KCNK2: variants seen among roughly 807,000 people sequenced by gnomAD.
The protein encoded by KCNK2 is potassium channel subfamily K member 2.
In KCNK2, 21 loss-of-function variants were observed where a neutral mutation model predicts 40.5. That is an observed-to-expected ratio of 0.52 (90% CI 0.37 to 0.75). The LOEUF (loss-of-function observed/expected upper bound fraction) is 0.75, where lower values mean the gene tolerates loss of function less well. Ranked by LOEUF, KCNK2 falls within the 30% of genes least tolerant of loss-of-function variation. KCNK2 has a pLI of 0.00. For synonymous variants in KCNK2, 191 were observed against 202.2 expected (o/e 0.94, Z 0.47); for missense variants, 399 against 531.6 (o/e 0.75, Z 2.45).
At chr1:215,090,680 A>G (rs1659655520) in intron 2 of KCNK2, among the ~76,000 whole-genome samples, 1 of 152,208 alleles carries the variant, frequency 6.6e-6, no homozygotes, top group Non-Finnish European at 1.5e-5. Flanking sequence ...AGTGAAATCT[A>G]TGATCTATAT....
chr1:215,027,018 G>A (rs996609871), intron 1 of KCNK2, among the ~76,000 whole-genome samples: 1 of 151,892 alleles, frequency 6.6e-6, no homozygotes, highest in Admixed American at 6.6e-5. Context: ...TCATTTTCAA[G>A]GCATTTTTTT....
chr1:215,156,352 A>G (rs370300836), intron 3 of KCNK2, among the ~76,000 whole-genome samples: 1 of 152,176 alleles, frequency 6.6e-6, no homozygotes. Flanking sequence ...ATAGCTGTCC[A>G]TGAAGGCCTT....
rs1553274203 is a variant in KCNK2 at position 215,209,476 on chromosome 1, T to TATATTA, written c.963+14384_963+14385insATATTA. On this transcript the variant is annotated intron_variant, in intron 6 of 6. Coordinates refer to ENST00000444842, the MANE Select transcript of KCNK2 (RefSeq NM_001017425.3). Reference sequence around the variant, plus strand: ...TATTATATATTATATATAATATATATTATATATAATACATATATATAATAT... The same window carrying TATATTA: ...TATTATATATTATATATAATATATATATATTATATATATAATACATATATATAATAT... Among the ~76,000 whole-genome samples the TATATTA allele has an allele frequency of 3.9e-4, 17 of 43,214 alleles. 1 individual carries two copies. The highest frequency in any genetic ancestry group is 1.4e-3 in the Admixed American group (4 of 2,800). The allele number at this position is 43,214 out of a possible 152,430, so 28.4% of individuals were successfully genotyped here.
intron 5 of KCNK2, among the ~76,000 whole-genome samples, chr1:215,184,655 A>G (rs547624120): frequency 6.6e-6 from 1 of 152,314 alleles, no homozygotes; most frequent in African/African-American, 2.4e-5. Flanking sequence ...TAAAACCACC[A>G]GATTTCATGA....
Position 215,083,207 on chromosome 1 carries a change from C to CCA in KCNK2, c.-178_-177insAC. ...TTCTTCTCACGCTCCCCCCCCCGCC[C>CCA]CCTCCCGCGTCCAGCCCCGCTCTCC... On this transcript the variant is annotated 5_prime_UTR_variant, in exon 1 of 7. Coordinates refer to ENST00000444842, the MANE Select transcript of KCNK2 (RefSeq NM_001017425.3). 8.5e-6 allele frequency: 9 copies of CCA among 1,058,666 alleles called. No homozygotes were observed. The highest frequency in any genetic ancestry group is 1.2e-5 in the Non-Finnish European group (9 of 736,446). The allele number at this position is 1,058,666 out of a possible 1,614,324, so 65.6% of individuals were successfully genotyped here. A position where few individuals can be genotyped will look rare whatever the true frequency, so the allele number is the denominator to read the frequency against.
chr1:215,051,850 T>C (rs1020057521), intron 1 of KCNK2, among the ~76,000 whole-genome samples: 4 of 152,124 alleles, frequency 2.6e-5, no homozygotes, highest in African/African-American at 9.7e-5. Context: ...ATACTTTAAT[T>C]TGAGGTGAGA....
At chr1:215,165,017 G>T (rs1558120885) in intron 3 of KCNK2, among the ~76,000 whole-genome samples, 1 of 152,142 alleles carries the variant, frequency 6.6e-6, no homozygotes, top group Non-Finnish European at 1.5e-5. Context: ...ATGTACATTT[G>T]CCTACTGATT....
intron 2 of KCNK2, among the ~76,000 whole-genome samples, chr1:215,111,082 T>C (rs904458267): frequency 6.6e-6 from 1 of 152,210 alleles, no homozygotes; most frequent in Admixed American, 6.6e-5. Flanking sequence ...GTTGGAATTA[T>C]ATAGCATGTA....
chr1:215,151,798 T>G (rs1457298550), intron 3 of KCNK2, among the ~76,000 whole-genome samples: 1 of 152,078 alleles, frequency 6.6e-6, no homozygotes, highest in Non-Finnish European at 1.5e-5. Flanking sequence ...GTGATGGTTA[T>G]TTCTGGGAGT....
At chr1:215,170,773 T>C (rs78766213) in intron 4 of KCNK2, among the ~76,000 whole-genome samples, 4,855 of 152,268 alleles carry the variant, frequency 0.032, 245 homozygotes, top group African/African-American at 0.11. Flanking sequence ...AGAGGGCAGA[T>C]TGACGGCATA....
At chr1:215,125,994 G>A (rs982502134) in intron 3 of KCNK2, among the ~76,000 whole-genome samples, 5 of 151,988 alleles carry the variant, frequency 3.3e-5, no homozygotes, top group Middle Eastern at 3.4e-3. Flanking sequence ...CCTTTGTGAA[G>A]AGATTTTCAT....
At chr1:215,007,029 A>ATGTGTG (rs1447540201) in intron 1 of KCNK2, among the ~76,000 whole-genome samples, 19 of 68,444 alleles carry the variant, frequency 2.8e-4, no homozygotes, top group South Asian at 7.8e-4. Context: ...ATATATATAT[A>ATGTGTG]TATATATATG....
chr1:215,050,514 A>G (rs1657949728), intron 1 of KCNK2, among the ~76,000 whole-genome samples: 1 of 152,184 alleles, frequency 6.6e-6, no homozygotes, highest in Non-Finnish European at 1.5e-5. Context: ...TTCATATTTT[A>G]GTAGAGGAAC....
At chr1:215,186,048 G>A (rs1664419528) in intron 5 of KCNK2, among the ~76,000 whole-genome samples, 1 of 152,144 alleles carries the variant, frequency 6.6e-6, no homozygotes. Flanking sequence ...ATGATGGGGT[G>A]GTTTAGACCA....
chr1:215,082,502 T>G (rs147225205), upstream of KCNK2, among the ~76,000 whole-genome samples: 2 of 148,520 alleles, frequency 1.3e-5, no homozygotes, highest in South Asian at 2.2e-4. Context: ...ACAGCGAGAG[T>G]GAGGATTTTG....
intron 6 of KCNK2, among the ~76,000 whole-genome samples, chr1:215,205,539 G>A (rs368139891): frequency 3.3e-5 from 5 of 152,124 alleles, no homozygotes; most frequent in East Asian, 1.9e-4. Context: ...CACTGTGTCC[G>A]GCTGGGAAGA....
At chr1:215,126,530 C>T (rs1164983864) in intron 3 of KCNK2, among the ~76,000 whole-genome samples, 2 of 152,018 alleles carry the variant, frequency 1.3e-5, no homozygotes, top group East Asian at 3.9e-4. Context: ...TTTGTTTCTG[C>T]CAACGAAAAT....
chr1:215,195,946 A>G (rs1664846018), intron 6 of KCNK2, among the ~76,000 whole-genome samples: 1 of 152,154 alleles, frequency 6.6e-6, no homozygotes, highest in Non-Finnish European at 1.5e-5. Context: ...TTCCTAGACC[A>G]CAGATATCAG....
At chr1:215,059,604 T>C (rs536805231) in intron 1 of KCNK2, among the ~76,000 whole-genome samples, 64 of 152,324 alleles carry the variant, frequency 4.2e-4, no homozygotes, top group Admixed American at 7.8e-4. Flanking sequence ...TAGAAATGTT[T>C]GGAGACTGTT....
Sources: allele counts gnomAD v4.1 joint callset (sites outside exome capture counted in the v4.1 genomes callset), GRCh38; gene constraint gnomAD v4.1.1; transcripts MANE v1.5; gene names NCBI Gene and HGNC (gene_info 2026-07-23, HGNC 2026-07-21).